AHR: variants seen among roughly 807,000 people sequenced by gnomAD.
AHR encodes the protein aryl hydrocarbon receptor.
A neutral mutation model predicts 86.8 loss-of-function variants in AHR; 40 were observed. The ratio of observed to expected loss-of-function variants is 0.46; its 90% CI spans 0.36 to 0.60. The LOEUF (loss-of-function observed/expected upper bound fraction) is 0.60, where lower values mean the gene tolerates loss of function less well. AHR is among the 20% of genes least tolerant of loss of function. AHR has a pLI of 0.00. For missense variants in AHR, 1,001 were observed against 1,011.6 expected (o/e 0.99, Z 0.14); for synonymous variants, 398 against 354.9 (o/e 1.12, Z -1.37).
In AHR at chr7:17,310,472, A is replaced by G. The variant is rs556574412; in HGVS notation, c.253+349A>G. On this transcript the variant is annotated intron_variant, in intron 2 of 10. Coordinates refer to ENST00000242057, the MANE Select transcript of AHR (RefSeq NM_001621.5). ...AAAAGATAAAACACCATCTTGCTGGATTTTCTGTGTTTTCATAGACATGTC... is the reference window on the plus strand; with the variant it reads ...AAAAGATAAAACACCATCTTGCTGGGTTTTCTGTGTTTTCATAGACATGTC... 7.3e-5 allele frequency among the ~76,000 whole-genome samples: 11 copies of G among 150,330 alleles called. No homozygotes were observed. The East Asian group carries it at 2.1e-3, about 29-fold the overall frequency.
intron 9 of AHR, 106 bp from the exon 10 acceptor site, chr7:17,338,880 A>G: frequency 9.0e-7 from 1 of 1,115,306 alleles, no homozygotes; most frequent in Non-Finnish European, 1.2e-6. Context: ...CCCTTTCTGA[A>G]TTCAATTACA....
intron 1 of AHR, among the ~76,000 whole-genome samples, chr7:17,308,396 T>A (rs1782027183): frequency 6.6e-6 from 1 of 152,062 alleles, no homozygotes; most frequent in Non-Finnish European, 1.5e-5. Context: ...CCATAACACT[T>A]TTTGAATAGT....
intron 8 of AHR, 46 bp downstream of exon 8, chr7:17,335,042 A>G: frequency 7.3e-7 from 1 of 1,377,588 alleles, no homozygotes; most frequent in Non-Finnish European, 1.0e-6. Context: ...AACGGCATAT[A>G]CTGTTGTACA....
At chr7:17,335,405 C>A (rs998376763) in intron 8 of AHR, among the ~76,000 whole-genome samples, 5 of 152,032 alleles carry the variant, frequency 3.3e-5, no homozygotes, top group Non-Finnish European at 7.4e-5. Flanking sequence ...TCTCTCTATA[C>A]TTTCCTGTGT....
intron 3 of AHR, among the ~76,000 whole-genome samples, chr7:17,327,000 T>C (rs183699219): frequency 1.3e-5 from 2 of 152,216 alleles, no homozygotes; most frequent in Admixed American, 1.3e-4. Flanking sequence ...GATATTGGAC[T>C]TGAATTATCC....
In AHR at chr7:17,339,160, T is replaced by C; in HGVS notation, c.1335T>C (p.Thr445=). The C allele has an allele frequency of 1.9e-6, 3 of 1,614,158 alleles. No individual in the cohort carries two copies. The highest frequency in any genetic ancestry group is 2.5e-6 in the Non-Finnish European group (3 of 1,180,022). ...TSGKDSATTS[T]LSKDSLNPSS... ...GAAAAGACTCTGCTACCACATCCAC[T>C]CTAAGCAAGGACTCTCTCAATCCTA... Residue 445 remains threonine (T), a synonymous_variant, in exon 10 of 11, where the codon ACT becomes ACC. Coordinates refer to ENST00000242057, the MANE Select transcript of AHR (RefSeq NM_001621.5).
chr7:17,301,459 C>A (rs932164034), intron 1 of AHR, among the ~76,000 whole-genome samples: 13 of 152,020 alleles, frequency 8.6e-5, no homozygotes, highest in East Asian at 5.8e-4. Flanking sequence ...GCTATCCAGA[C>A]CTACTTAACT....
At chr7:17,313,779 TA>T (rs938392378) in intron 2 of AHR, among the ~76,000 whole-genome samples, 4 of 152,136 alleles carry the variant, frequency 2.6e-5, no homozygotes, top group African/African-American at 9.7e-5. Flanking sequence ...GAGGGTATTT[TA>T]AAAATTTAAA....
At chr7:17,324,530 C>T (rs921656452) in intron 3 of AHR, among the ~76,000 whole-genome samples, 2 of 152,248 alleles carry the variant, frequency 1.3e-5, no homozygotes, top group Non-Finnish European at 2.9e-5. Context: ...AGGCCAGGTG[C>T]GGTGGCTCAC....
chr7:17,336,570 C>G (rs1348090742), intron 9 of AHR, among the ~76,000 whole-genome samples: 1 of 152,104 alleles, frequency 6.6e-6, no homozygotes, highest in East Asian at 1.9e-4. Context: ...AAGCAGTTGT[C>G]TGAAAATCTG....
In AHR at chr7:17,305,597, C is replaced by T. The variant is rs115427428; in HGVS notation, c.66-4339C>T. On this transcript the variant is annotated intron_variant, in intron 1 of 10. Coordinates refer to ENST00000242057, the MANE Select transcript of AHR (RefSeq NM_001621.5). ...AACAAGTTATGGGTAAGTAGACCAACGCAGTAAGAGTAGATTAAATCACCC... is the reference window on the plus strand; with the variant it reads ...AACAAGTTATGGGTAAGTAGACCAATGCAGTAAGAGTAGATTAAATCACCC... 4.8e-3 allele frequency among the ~76,000 whole-genome samples: 723 copies of T among 152,108 alleles called. 7 individuals carry two copies. Among genetic ancestry groups the T allele is most frequent in the African/African-American group, 0.016 (684 of 41,506 alleles).
rs905218960 is a variant in AHR at position 17,315,077 on chromosome 7, T to C, written c.253+4954T>C. Among the ~76,000 whole-genome samples the C allele has an allele frequency of 5.9e-5, 9 of 152,178 alleles. No homozygotes were observed. In the East Asian group the frequency reaches 1.2e-3, roughly 20 times the overall value. On this transcript the variant is annotated intron_variant, in intron 2 of 10. Transcript: ENST00000242057. ...CAATATTCATGATAACTTTCATAGCTAAAACTATATAAACCTAGGTTCTTT... is the reference window on the plus strand; with the variant it reads ...CAATATTCATGATAACTTTCATAGCCAAAACTATATAAACCTAGGTTCTTT...
intron 9 of AHR, 79 bp from the exon 10 acceptor site, chr7:17,338,903 TTATG>T: frequency 7.7e-7 from 1 of 1,303,646 alleles, no homozygotes; most frequent in South Asian, 1.7e-5. Flanking sequence ...GTATTTTGCT[TTATG>T]TTTTTCTTTT....
chr7:17,304,907 A>T (rs1435425969), intron 1 of AHR, among the ~76,000 whole-genome samples: 2 of 152,118 alleles, frequency 1.3e-5, no homozygotes, highest in Non-Finnish European at 1.5e-5. Flanking sequence ...TCGAGGGGGA[A>T]TAAAAATGTG....
chr7:17,332,288 T>G (rs944346569), intron 6 of AHR, among the ~76,000 whole-genome samples: 26 of 151,936 alleles, frequency 1.7e-4, no homozygotes, highest in African/African-American at 7.2e-5. Flanking sequence ...ACTTTATTTT[T>G]AAATGTATTA....
Position 17,343,260 on chromosome 7 carries a change from T to C in AHR, c.*196T>C. 3.1e-6 allele frequency: 2 copies of C among 638,650 alleles called. No homozygotes were observed. The highest frequency in any genetic ancestry group is 5.4e-6 in the Non-Finnish European group (2 of 373,254). The allele number at this position is 638,650 out of a possible 1,614,324, so 39.6% of individuals were successfully genotyped here. A position where few individuals can be genotyped will look rare whatever the true frequency, so the allele number is the denominator to read the frequency against. On this transcript the variant is annotated 3_prime_UTR_variant, in exon 11 of 11. Transcript: ENST00000242057. ...TTAAAAATGGTATCAAAATTACATA[T>C]ACTACAGTCAAGATAGAAAGGGTGC...
intron 9 of AHR, 22 bp from the exon 10 acceptor site, chr7:17,338,964 A>C: frequency 2.0e-6 from 3 of 1,522,854 alleles, no homozygotes; most frequent in Non-Finnish European, 1.8e-6. Context: ...TTTTTCTAAG[A>C]CTTTTTTGTA....
At chr7:17,310,425 A>G (rs1350123203) in intron 2 of AHR, among the ~76,000 whole-genome samples, 1 of 152,036 alleles carries the variant, frequency 6.6e-6, no homozygotes, top group South Asian at 2.1e-4. Context: ...TCAATATTTA[A>G]AAGTCTTTTT....
At chr7:17,313,390 G>A (rs1782085657) in intron 2 of AHR, among the ~76,000 whole-genome samples, 1 of 152,116 alleles carries the variant, frequency 6.6e-6, no homozygotes, top group African/African-American at 2.4e-5. Context: ...TGCAAACAGG[G>A]GGTGTGTAAA....
Sources: allele counts gnomAD v4.1 joint callset (sites outside exome capture counted in the v4.1 genomes callset), GRCh38; gene constraint gnomAD v4.1.1; transcripts MANE v1.5; gene names NCBI Gene and HGNC (gene_info 2026-07-23, HGNC 2026-07-21).